The following PRKCA variants were observed in gnomAD, a reference collection of about 807,000 sequenced individuals.
PRKCA encodes protein kinase C alpha type.
Under a neutral mutation model 87.0 loss-of-function variants are expected in PRKCA, and 27 were observed. The ratio of observed to expected loss-of-function variants is 0.31; its 90% CI spans 0.23 to 0.43. The LOEUF is 0.43. Ranked by LOEUF, PRKCA falls within the 20% of genes least tolerant of loss-of-function variation. The pLI, the probability that PRKCA is intolerant of heterozygous loss-of-function variation, is 1.00. For missense variants in PRKCA, 518 were observed against 852.3 expected, an observed-to-expected ratio of 0.61 and a Z score of 4.88; for synonymous variants, 329 against 311.1, an observed-to-expected ratio of 1.06 and a Z score of -0.61.
intron 3 of PRKCA, among the ~76,000 whole-genome samples, chr17:66,563,217 C>G (rs760580753): frequency 6.6e-6 from 1 of 152,054 alleles, no homozygotes; most frequent in Admixed American, 6.6e-5. Context: ...CATTAGGGTT[C>G]GGTCTTGGTA....
chr17:66,648,243 A>G (rs1184371919), intron 5 of PRKCA, among the ~76,000 whole-genome samples: 1 of 152,208 alleles, frequency 6.6e-6, no homozygotes, highest in Admixed American at 6.5e-5. Flanking sequence ...ATTACTTCCC[A>G]AAGGCCCTAC....
chr17:66,798,851 G>GA (rs1975778714), intron 16 of PRKCA, among the ~76,000 whole-genome samples: 1 of 3,062 alleles, frequency 3.3e-4, no homozygotes, highest in Non-Finnish European at 7.4e-4. Flanking sequence ...GGTGGTGGTG[G>GA]TGGTGGTGGT....
chr17:66,458,298 A>G (rs1914665508), intron 2 of PRKCA, among the ~76,000 whole-genome samples: 1 of 152,164 alleles, frequency 6.6e-6, no homozygotes, highest in Non-Finnish European at 1.5e-5. Flanking sequence ...GGCCATTGAA[A>G]TAAAGTTATA....
At chr17:66,777,135 C>T (rs1975073061) in intron 14 of PRKCA, 2 of 801,492 alleles carry the variant, frequency 2.5e-6, no homozygotes, top group Non-Finnish European at 1.5e-6. Flanking sequence ...GGTCGCCTGA[C>T]ATTCCTGGTG....
chr17:66,439,966 T>A, intron 2 of PRKCA, among the ~76,000 whole-genome samples: 1 of 152,212 alleles, frequency 6.6e-6, no homozygotes, highest in East Asian at 1.9e-4. Context: ...TGCTGATGGA[T>A]TTCCTAAGTC....
rs80209307 is a variant in PRKCA, at chr17:66,654,359, A to G, written c.529+8848A>G. Among the ~76,000 whole-genome samples the G allele has an allele frequency of 9.0e-3, 1,368 of 152,276 alleles. 46 individuals are homozygous for G. In the East Asian group the frequency reaches 0.11, roughly 13 times the overall value. ...AACACTTTTCGTGTACCAGGCCCCA[A>G]CTGGATGCTTTCCTATGTATTTCAT... is the stretch of plus-strand genomic sequence containing the variant. On this transcript the variant is annotated intron_variant, in intron 5 of 16. Transcript: ENST00000413366.
chr17:66,397,939 A>G (rs1319280455), intron 2 of PRKCA: 1 of 152,194 alleles, frequency 6.6e-6, no homozygotes, highest in Non-Finnish European at 1.5e-5. Flanking sequence ...AAGTAGAGCC[A>G]TCATATTTCC....
At chr17:66,535,410 C>CT (rs1200035935) in intron 3 of PRKCA, among the ~76,000 whole-genome samples, 2 of 152,162 alleles carry the variant, frequency 1.3e-5, no homozygotes, top group Non-Finnish European at 2.9e-5. Flanking sequence ...GTATTGATGT[C>CT]TTGTGGGATA....
chr17:66,735,807 T>A, intron 10 of PRKCA, 145 bp downstream of exon 10: 1 of 845,628 alleles, frequency 1.2e-6, no homozygotes. Context: ...GGGGACCACC[T>A]CCCACCTCTC....
chr17:66,411,448 T>C (rs1195272816), intron 2 of PRKCA, among the ~76,000 whole-genome samples: 1 of 152,160 alleles, frequency 6.6e-6, no homozygotes, highest in Non-Finnish European at 1.5e-5. Context: ...TGTGTACTTA[T>C]TGTTTTGTTA....
At chr17:66,559,286 G>A (rs968351766) in intron 3 of PRKCA, among the ~76,000 whole-genome samples, 1 of 151,564 alleles carries the variant, frequency 6.6e-6, no homozygotes, top group Non-Finnish European at 1.5e-5. Flanking sequence ...GCCTGGCCAA[G>A]ATGGTGAAAC....
chr17:66,386,393 G>A (rs1910062322), intron 2 of PRKCA, among the ~76,000 whole-genome samples: 1 of 152,192 alleles, frequency 6.6e-6, no homozygotes, highest in South Asian at 2.1e-4. Flanking sequence ...AAGCTGCAGT[G>A]AATATCCTTT....
intron 2 of PRKCA, among the ~76,000 whole-genome samples, chr17:66,373,674 T>C (rs1022035772): frequency 1.4e-4 from 21 of 152,230 alleles, no homozygotes; most frequent in Non-Finnish European, 8.8e-5. Flanking sequence ...TTGGTATTGC[T>C]TTTGCCATTC....
At chr17:66,614,293 C>T (rs1396419838) in intron 3 of PRKCA, among the ~76,000 whole-genome samples, 3 of 152,140 alleles carry the variant, frequency 2.0e-5, no homozygotes, top group Non-Finnish European at 4.4e-5. Flanking sequence ...AAGATAACGA[C>T]ATCTCACAGA....
intron 4 of PRKCA, 67 bp from the exon 5 acceptor site, chr17:66,645,316 C>CA: frequency 1.2e-6 from 2 of 1,606,782 alleles, no homozygotes; most frequent in Non-Finnish European, 1.7e-6. Context: ...GCTCATGCAC[C>CA]AAAACACTGA....
intron 14 of PRKCA, chr17:66,777,612 C>T (rs1598935465): frequency 1.0e-6 from 1 of 985,234 alleles, no homozygotes; most frequent in African/African-American, 1.7e-5. Flanking sequence ...AATTACAGGC[C>T]CCCTAAGAGT....
intron 8 of PRKCA, among the ~76,000 whole-genome samples, chr17:66,699,423 C>T (rs1164657007): frequency 6.6e-6 from 1 of 151,974 alleles, no homozygotes; most frequent in Admixed American, 6.6e-5. Context: ...AATTGGATAA[C>T]CCAGAAGATA....
chr17:66,350,236 G>A (rs988677994), intron 2 of PRKCA, among the ~76,000 whole-genome samples: 3 of 152,042 alleles, frequency 2.0e-5, no homozygotes, highest in Admixed American at 6.6e-5. Flanking sequence ...TTGGATGCTC[G>A]GTGTAGGTAA....
At chr17:66,494,822 A>G (rs4791058) in intron 2 of PRKCA, among the ~76,000 whole-genome samples, 1 of 151,926 alleles carries the variant, frequency 6.6e-6, no homozygotes, top group Non-Finnish European at 1.5e-5. Context: ...TTTCAGGGGG[A>G]CATGTGCAGT....
Sources: gnomAD v4.1 joint callset for allele counts (sites outside exome capture counted in the v4.1 genomes callset) on GRCh38, gnomAD v4.1.1 for gene constraint, MANE v1.5 for transcripts, NCBI Gene and HGNC (gene_info 2026-07-23, HGNC 2026-07-21) for gene names.